Variants in FANK1 observed in about 807,000 individuals in gnomAD.
FANK1 encodes fibronectin type 3 and ankyrin repeat domains protein 1.
FANK1 carries 44 observed loss-of-function variants against 45.3 expected under a neutral mutation model. The ratio of observed to expected loss-of-function variants is 0.97; its 90% confidence interval spans 0.76 to 1.25. The LOEUF (loss-of-function observed/expected upper bound fraction) is 1.25, where lower values mean the gene tolerates loss of function less well. Among genes scored for constraint, FANK1 ranks in the 50% most tolerant of loss-of-function variants. The probability of loss-of-function intolerance (pLI) is 0.00; values close to 1 mark genes in which losing one functional copy is unlikely to be tolerated. For missense variants in FANK1, 391 were observed against 424.4 expected (o/e 0.92, Z 0.69); for synonymous variants, 149 against 152.5 (o/e 0.98, Z 0.17).
chr10:125,916,787 T>C (rs1310225182), intron 1 of FANK1, among the ~76,000 whole-genome samples: 1 of 152,134 alleles, frequency 6.6e-6, no homozygotes, highest in Non-Finnish European at 1.5e-5. Context: ...CCTTAGCATA[T>C]TGAATGTTTG....
intron 1 of FANK1, among the ~76,000 whole-genome samples, chr10:125,970,322 C>A (rs1382310294): frequency 6.6e-6 from 1 of 151,714 alleles, no homozygotes; most frequent in Non-Finnish European, 1.5e-5. Flanking sequence ...GGCGGCCGGG[C>A]GGAGGCGCTC....
At chr10:125,992,542 C>T (rs1952019236) in intron 3 of FANK1, among the ~76,000 whole-genome samples, 1 of 152,254 alleles carries the variant, frequency 6.6e-6, no homozygotes, top group South Asian at 2.1e-4. Context: ...GTGAAGTGCT[C>T]TTTACCTCCC....
At chr10:125,952,022 A>C (rs955577973) in intron 1 of FANK1, among the ~76,000 whole-genome samples, 1 of 152,194 alleles carries the variant, frequency 6.6e-6, no homozygotes, top group Non-Finnish European at 1.5e-5. Flanking sequence ...GCAATTTTGC[A>C]TGCTGCTTTA....
intron 1 of FANK1, among the ~76,000 whole-genome samples, chr10:125,965,218 C>T (rs1371819960): frequency 6.6e-6 from 1 of 152,158 alleles, no homozygotes; most frequent in Non-Finnish European, 1.5e-5. Flanking sequence ...ATTGTAATTG[C>T]ATCATTTTGA....
At chr10:125,946,290 T>A (rs1948794674) in intron 1 of FANK1, among the ~76,000 whole-genome samples, 1 of 150,290 alleles carries the variant, frequency 6.7e-6, no homozygotes, top group Non-Finnish European at 1.5e-5. Flanking sequence ...GAAGAAGGCT[T>A]CAGACGATCA....
chr10:125,912,247 A>T (rs1158071320), intron 1 of FANK1, among the ~76,000 whole-genome samples: 5 of 152,186 alleles, frequency 3.3e-5, no homozygotes, highest in Non-Finnish European at 1.5e-5. Context: ...CATGAGATAA[A>T]CCTGTTTGTT....
chr10:125,932,145 A>G (rs936087594), intron 1 of FANK1, among the ~76,000 whole-genome samples: 4 of 151,680 alleles, frequency 2.6e-5, no homozygotes, highest in Non-Finnish European at 5.9e-5. Flanking sequence ...ATGCCTCCAG[A>G]TTTGTTCTTT....
At chr10:125,918,831 C>T (rs984485751) in intron 1 of FANK1, among the ~76,000 whole-genome samples, 4 of 150,862 alleles carry the variant, frequency 2.7e-5, no homozygotes, top group Non-Finnish European at 5.9e-5. Flanking sequence ...CTCTTTATGC[C>T]CTAGATAGTT....
chr10:125,965,602 A>G (rs910775438), intron 1 of FANK1, among the ~76,000 whole-genome samples: 1 of 152,162 alleles, frequency 6.6e-6, no homozygotes, highest in African/African-American at 2.4e-5. Context: ...TCAGTTCTGT[A>G]GCTTTGAACA....
intron 1 of FANK1, among the ~76,000 whole-genome samples, chr10:125,952,845 A>G (rs1450838372): frequency 1.5e-5 from 2 of 134,730 alleles, no homozygotes; most frequent in South Asian, 4.6e-4. Context: ...ACACACACAC[A>G]CACACACACA....
At chr10:125,906,292 G>T (rs1388174104) in intron 1 of FANK1, among the ~76,000 whole-genome samples, 1 of 151,948 alleles carries the variant, frequency 6.6e-6, no homozygotes, top group African/African-American at 2.4e-5. Flanking sequence ...AAGGTGGGCC[G>T]ATCACCTGAG....
intron 1 of FANK1, among the ~76,000 whole-genome samples, chr10:125,938,489 C>T (rs1177171431): frequency 6.6e-6 from 1 of 152,074 alleles, no homozygotes; most frequent in Non-Finnish European, 1.5e-5. Flanking sequence ...TTCGGTGTGC[C>T]ACGAAAGCAA....
At position 125,997,497 on chromosome 10, in the gene FANK1, G is replaced by A. The variant is rs374080105; in HGVS notation, c.539+12G>A. On this transcript the variant is annotated intron_variant, in intron 6 of 10. Transcript: ENST00000368693. The stretch of plus-strand genomic sequence containing the variant: ...AGTGGCAAGGACAGGTAGGAGGTGG[G>A]ATATGACTGAAATTGTGCTGATGTT... 32 of 1,612,038 alleles carry A rather than the reference G, an allele frequency of 2.0e-5. No individual in the cohort carries two copies. In the African/African-American group the frequency reaches 2.9e-4, roughly 15 times the overall value.
intron 1 of FANK1, among the ~76,000 whole-genome samples, chr10:125,915,798 A>G (rs1468442784): frequency 6.6e-6 from 1 of 152,224 alleles, no homozygotes; most frequent in African/African-American, 2.4e-5. Context: ...TGGGTGACGG[A>G]GGGAGATCCT....
At chr10:126,009,174 G>C in intron 9 of FANK1, 43 bp downstream of exon 9, 2 of 1,614,134 alleles carry the variant, frequency 1.2e-6, no homozygotes, top group Non-Finnish European at 1.7e-6. Context: ...CTCGGAGGGG[G>C]AGAAAACATT....
chr10:125,911,991 A>G (rs529839604), intron 1 of FANK1, among the ~76,000 whole-genome samples: 42 of 152,350 alleles, frequency 2.8e-4, no homozygotes, highest in African/African-American at 9.9e-4. Flanking sequence ...TCCATCTATC[A>G]AGTTCCATTT....
chr10:125,997,270 T>C (rs1952403709), intron 5 of FANK1, 150 bp from the exon 6 acceptor site: 1 of 495,908 alleles, frequency 2.0e-6, no homozygotes, highest in South Asian at 4.9e-5. Context: ...TAATGGTGCC[T>C]GGTTTTAAAA....
intron 1 of FANK1, among the ~76,000 whole-genome samples, chr10:125,969,565 A>G (rs1950365557): frequency 6.6e-6 from 1 of 152,208 alleles, no homozygotes; most frequent in African/African-American, 2.4e-5. Context: ...ACAGATAGGG[A>G]TATAAACATC....
At chr10:125,948,915 C>T (rs1262271564) in intron 1 of FANK1, among the ~76,000 whole-genome samples, 207 of 147,380 alleles carry the variant, frequency 1.4e-3, no homozygotes, top group African/African-American at 4.8e-3. Context: ...AAAAGCTTAT[C>T]CACCATGATC....
Sources: gnomAD v4.1 joint callset for allele counts (sites outside exome capture counted in the v4.1 genomes callset) on GRCh38, gnomAD v4.1.1 for gene constraint, MANE v1.5 for transcripts, NCBI Gene and HGNC (gene_info 2026-07-23, HGNC 2026-07-21) for gene names.